The following SLC1A1 variants were observed in gnomAD, a reference collection of about 807,000 sequenced individuals.
SLC1A1 encodes solute carrier family 1 member 1.
SLC1A1 carries 43 observed loss-of-function variants against 53.3 expected under a neutral mutation model. That is an observed-to-expected ratio of 0.81 (90% CI 0.63 to 1.04). The LOEUF (loss-of-function observed/expected upper bound fraction) is 1.04, where lower values mean the gene tolerates loss of function less well. Ranked by LOEUF, SLC1A1 falls within the 50% of genes least tolerant of loss-of-function variation. The pLI is 0.00. For synonymous variants in SLC1A1, 307 were observed against 243.2 expected (o/e 1.26, Z -2.44); for missense variants, 748 against 664.9 (o/e 1.12, Z -1.37).
In SLC1A1 at chr9:4,549,466, C is replaced by T. The variant is rs891217116; in HGVS notation, c.232+4759C>T. ...CAGATGAAACACCAATGGTGACATCCAACTGCTCCCTGAAGGGGCTCCCAG... is the reference window on the plus strand; with the variant it reads ...CAGATGAAACACCAATGGTGACATCTAACTGCTCCCTGAAGGGGCTCCCAG... On this transcript the variant is annotated intron_variant, in intron 2 of 11. Coordinates refer to ENST00000262352, the MANE Select transcript of SLC1A1 (RefSeq NM_004170.6). The surrounding 1 kb of genome is among the most constrained non-coding windows in gnomAD (Gnocchi z 4.1). Among the ~76,000 whole-genome samples, 1 of 152,182 alleles carries T rather than the reference C, an allele frequency of 6.6e-6. No individual in the cohort carries two copies. The highest frequency in any genetic ancestry group is 2.4e-5 in the African/African-American group (1 of 41,438).
chr9:4,570,410 C>T (rs1040043578), intron 6 of SLC1A1, among the ~76,000 whole-genome samples: 3 of 151,546 alleles, frequency 2.0e-5, no homozygotes, highest in Admixed American at 6.6e-5. Flanking sequence ...CTGACTCTAT[C>T]GCCCAGGCTG....
intron 1 of SLC1A1, among the ~76,000 whole-genome samples, chr9:4,514,501 G>C (rs111871885): frequency 4.2e-4 from 64 of 152,296 alleles, no homozygotes; most frequent in African/African-American, 1.5e-3. Context: ...TCTTGGAGGA[G>C]GTTGGGAAGG....
At chr9:4,534,970 T>C (rs201726105) in intron 1 of SLC1A1, among the ~76,000 whole-genome samples, 2 of 152,184 alleles carry the variant, frequency 1.3e-5, no homozygotes, top group South Asian at 2.1e-4. Flanking sequence ...ATGATTATCT[T>C]AATAGATGCA....
intron 1 of SLC1A1, among the ~76,000 whole-genome samples, chr9:4,518,226 T>C (rs10974590): frequency 0.96 from 117,726 of 123,034 alleles, 56,608 homozygotes; most frequent in Middle Eastern, 1. Context: ...AAGAGCGATA[T>C]TCCACCTCAA....
intron 1 of SLC1A1, among the ~76,000 whole-genome samples, chr9:4,502,784 A>G (rs1252321637): frequency 1.3e-5 from 2 of 151,790 alleles, no homozygotes; most frequent in Non-Finnish European, 2.9e-5. Context: ...ATACTTGGAG[A>G]CAGGCTTCTT....
intron 1 of SLC1A1, among the ~76,000 whole-genome samples, chr9:4,506,520 C>T (rs1170447968): frequency 1.3e-5 from 2 of 151,554 alleles, no homozygotes; most frequent in East Asian, 3.9e-4. Flanking sequence ...TTAACATCTG[C>T]ATTGAATATT....
chr9:4,580,996 T>A (rs1821047862), intron 10 of SLC1A1, among the ~76,000 whole-genome samples: 2 of 152,326 alleles, frequency 1.3e-5, no homozygotes, highest in Non-Finnish European at 2.9e-5. Flanking sequence ...TTTTTAAGCA[T>A]CTACTATACA....
chr9:4,564,662 C>A lies in SLC1A1; in HGVS notation c.440+204C>A, dbSNP rs571301810. Among the ~76,000 whole-genome samples, 12 of 152,304 alleles carry A rather than the reference C, an allele frequency of 7.9e-5. 1 individual carries two copies. In the South Asian group the frequency reaches 2.5e-3, roughly 32 times the overall value. On this transcript the variant is annotated intron_variant, in intron 4 of 11. Transcript: ENST00000262352. ...TGGTTCCAAGAGGGAAGGGAAGAAA[C>A]AGGCTTCCGCATCAGGATTTAGGAT...
intron 10 of SLC1A1, among the ~76,000 whole-genome samples, chr9:4,581,916 A>C (rs1219093712): frequency 6.6e-6 from 1 of 152,238 alleles, no homozygotes; most frequent in African/African-American, 2.4e-5. Flanking sequence ...TCAGCTTCCT[A>C]AGAACTCTGG....
chr9:4,519,295 T>C (rs1052611943), intron 1 of SLC1A1, among the ~76,000 whole-genome samples: 33 of 152,186 alleles, frequency 2.2e-4, no homozygotes, highest in African/African-American at 7.2e-4. Context: ...ATGCATGACA[T>C]TGGTTTAGAT....
At chr9:4,534,547 C>T (rs561421988) in intron 1 of SLC1A1, among the ~76,000 whole-genome samples, 1 of 151,994 alleles carries the variant, frequency 6.6e-6, no homozygotes, top group Non-Finnish European at 1.5e-5. Context: ...CAATAACAGG[C>T]TCTGAAATTG....
chr9:4,537,851 A>G (rs2130866040), intron 1 of SLC1A1, among the ~76,000 whole-genome samples: 1 of 152,284 alleles, frequency 6.6e-6, no homozygotes, highest in Middle Eastern at 3.4e-3. Flanking sequence ...CATTGGTGAC[A>G]GTTGTACAAC....
At chr9:4,530,595 C>T (rs914327302) in intron 1 of SLC1A1, among the ~76,000 whole-genome samples, 3 of 152,094 alleles carry the variant, frequency 2.0e-5, no homozygotes, top group African/African-American at 7.2e-5. Context: ...AGGTGATAGA[C>T]CAAAAGGGAA....
At chr9:4,522,834 T>G (rs967826064) in intron 1 of SLC1A1, among the ~76,000 whole-genome samples, 1 of 152,166 alleles carries the variant, frequency 6.6e-6, no homozygotes, top group Non-Finnish European at 1.5e-5. Context: ...TCCAATCACC[T>G]TCCACCAGGT....
intron 2 of SLC1A1, among the ~76,000 whole-genome samples, chr9:4,555,968 A>G (rs1249423850): frequency 6.7e-6 from 1 of 150,206 alleles, no homozygotes; most frequent in Non-Finnish European, 1.5e-5. Context: ...TATTAAAAAT[A>G]GACATACAAA....
At chr9:4,496,671 G>T (rs1820435099) in intron 1 of SLC1A1, among the ~76,000 whole-genome samples, 1 of 151,112 alleles carries the variant, frequency 6.6e-6, no homozygotes, top group South Asian at 2.2e-4. Context: ...AAGGTGGGAG[G>T]ACTGCTTGAG....
chr9:4,582,676 C>T (rs1427451480), intron 10 of SLC1A1, among the ~76,000 whole-genome samples: 1 of 152,222 alleles, frequency 6.6e-6, no homozygotes, highest in Non-Finnish European at 1.5e-5. Context: ...TGTATGTATA[C>T]ATAGATGAGT....
At chr9:4,518,478 C>A (rs1396579517) in intron 1 of SLC1A1, among the ~76,000 whole-genome samples, 2 of 151,990 alleles carry the variant, frequency 1.3e-5, no homozygotes, top group Non-Finnish European at 2.9e-5. Context: ...GCGATCATCC[C>A]ACTTTAGCTT....
intron 7 of SLC1A1, among the ~76,000 whole-genome samples, chr9:4,573,156 C>G (rs7872075): frequency 0.47 from 71,166 of 152,012 alleles, 17,284 homozygotes; most frequent in African/African-American, 0.58. Context: ...GACACCATTT[C>G]AGTGTCTGTC....
Sources: allele counts gnomAD v4.1 joint callset (sites outside exome capture counted in the v4.1 genomes callset), GRCh38; gene constraint gnomAD v4.1.1; non-coding constraint Gnocchi (gnomAD v3.1); transcripts MANE v1.5; gene names NCBI Gene and HGNC (gene_info 2026-07-23, HGNC 2026-07-21).